FOXO3: variants seen among roughly 807,000 people sequenced by gnomAD.
FOXO3 encodes the protein forkhead box protein O3.
FOXO3 carries 4 observed loss-of-function variants against 41.9 expected under a neutral mutation model. The observed-to-expected ratio is 0.10, with a 90% CI of 0.05 to 0.22. The LOEUF (loss-of-function observed/expected upper bound fraction) is 0.22. Among genes scored for constraint, FOXO3 ranks in the 10% least tolerant of loss-of-function variants. The pLI, the probability that FOXO3 is intolerant of heterozygous loss-of-function variation, is 1.00. For missense variants in FOXO3, 534 were observed against 906.8 expected, an observed-to-expected ratio of 0.59 and a Z score of 5.28; for synonymous variants, 318 against 389.3, an observed-to-expected ratio of 0.82 and a Z score of 2.16.
chr6:108,649,316 C>T (rs1203490007), intron 1 of FOXO3, among the ~76,000 whole-genome samples: 1 of 152,100 alleles, frequency 6.6e-6, no homozygotes, highest in Non-Finnish European at 1.5e-5. Context: ...GACACTATGA[C>T]TACCTTTCAA....
chr6:108,672,145 G>A (rs925913954), intron 2 of FOXO3, among the ~76,000 whole-genome samples: 2 of 152,170 alleles, frequency 1.3e-5, no homozygotes, highest in African/African-American at 2.4e-5. Context: ...TCCCAATGCC[G>A]GTCATCCCAA....
intron 1 of FOXO3, among the ~76,000 whole-genome samples, chr6:108,615,261 A>G (rs1324968011): frequency 6.6e-6 from 1 of 152,022 alleles, no homozygotes; most frequent in African/African-American, 2.4e-5. Flanking sequence ...TGATGAAACT[A>G]CTTTTTAAAA....
At chr6:108,649,105 T>C (rs1304478456) in intron 1 of FOXO3, among the ~76,000 whole-genome samples, 1 of 151,794 alleles carries the variant, frequency 6.6e-6, no homozygotes, top group Non-Finnish European at 1.5e-5. Flanking sequence ...GGATCTGTTA[T>C]TCTCTCATGG....
At chr6:108,562,701 G>A (rs113486951) in intron 1 of FOXO3, among the ~76,000 whole-genome samples, 5,454 of 152,298 alleles carry the variant, frequency 0.036, 136 homozygotes, top group Middle Eastern at 0.095. Context: ...ACCTGTAAAT[G>A]AACCCGAAGA....
chr6:108,620,021 G>A (rs1021669652), intron 1 of FOXO3, among the ~76,000 whole-genome samples: 2 of 152,168 alleles, frequency 1.3e-5, no homozygotes, highest in African/African-American at 4.8e-5. Context: ...AGCTTGATTT[G>A]CTGTAGTCAT....
chr6:108,574,816 T>C lies in FOXO3; in HGVS notation c.621+12987T>C, dbSNP rs2128358233. ...AGTTAACAGAATAGAATGCTAATTA[T>C]CCCATTTTGTTCTGTGTATGTTGGA... On this transcript the variant is annotated intron_variant, in intron 1 of 2. Coordinates refer to ENST00000406360, the MANE Select transcript of FOXO3 (RefSeq NM_001455.4). Among the ~76,000 whole-genome samples, 2 of 152,368 alleles carry C rather than the reference T, an allele frequency of 1.3e-5. 1 individual carries two copies. The highest frequency in any genetic ancestry group is 6.8e-3 in the Middle Eastern group (2 of 294).
At chr6:108,580,562 T>A (rs1408422660) in intron 1 of FOXO3, among the ~76,000 whole-genome samples, 2 of 152,184 alleles carry the variant, frequency 1.3e-5, no homozygotes, top group Non-Finnish European at 2.9e-5. Context: ...ACATAGTTGG[T>A]AAGTGATAGA....
intron 1 of FOXO3, among the ~76,000 whole-genome samples, chr6:108,615,593 G>A (rs1449543896): frequency 3.3e-5 from 5 of 150,036 alleles, no homozygotes; most frequent in East Asian, 3.9e-4. Flanking sequence ...AGTTTTTCTT[G>A]GATCTGAGTG....
At chr6:108,605,885 A>G (rs1163677007) in intron 1 of FOXO3, among the ~76,000 whole-genome samples, 1 of 152,250 alleles carries the variant, frequency 6.6e-6, no homozygotes, top group Non-Finnish European at 1.5e-5. Context: ...ACAAGATCCA[A>G]TTATTTTGTT....
At chr6:108,575,975 G>A (rs1165323390) in intron 1 of FOXO3, among the ~76,000 whole-genome samples, 1 of 152,190 alleles carries the variant, frequency 6.6e-6, no homozygotes, top group Non-Finnish European at 1.5e-5. Flanking sequence ...TTACGAAAAT[G>A]TCATAGGCCT....
intron 1 of FOXO3, among the ~76,000 whole-genome samples, chr6:108,572,063 C>T (rs1189376825): frequency 6.6e-6 from 1 of 152,186 alleles, no homozygotes; most frequent in Non-Finnish European, 1.5e-5. Flanking sequence ...AAGGTGTGTC[C>T]TTCCCCCTAG....
At chr6:108,604,721 T>C (rs1001497665) in intron 1 of FOXO3, among the ~76,000 whole-genome samples, 7 of 152,156 alleles carry the variant, frequency 4.6e-5, no homozygotes, top group Non-Finnish European at 8.8e-5. Context: ...GTTTTTTTTT[T>C]CCTTGTTGCT....
chr6:108,674,391 T>A (rs1770492074), intron 2 of FOXO3, among the ~76,000 whole-genome samples: 1 of 152,220 alleles, frequency 6.6e-6, no homozygotes, highest in East Asian at 1.9e-4. Flanking sequence ...CTGTTGTTTC[T>A]TTCACTGGAA....
At chr6:108,576,226 A>T (rs1330237414) in intron 1 of FOXO3, among the ~76,000 whole-genome samples, 2 of 152,224 alleles carry the variant, frequency 1.3e-5, no homozygotes, top group African/African-American at 2.4e-5. Context: ...AGTCCTATTT[A>T]GTCTCCTCCC....
intron 1 of FOXO3, among the ~76,000 whole-genome samples, chr6:108,614,187 G>A (rs1413327428): frequency 6.6e-6 from 1 of 151,922 alleles, no homozygotes; most frequent in Admixed American, 6.6e-5. Flanking sequence ...TGCTGTTTTG[G>A]GTGATTTGTT....
chr6:108,628,624 A>G (rs1777877013), intron 1 of FOXO3, among the ~76,000 whole-genome samples: 1 of 152,180 alleles, frequency 6.6e-6, no homozygotes, highest in South Asian at 2.1e-4. Context: ...TTCCAGGTCC[A>G]GTTGCTGAAT....
At chr6:108,581,282 A>C (rs1165741769) in intron 1 of FOXO3, among the ~76,000 whole-genome samples, 1 of 152,166 alleles carries the variant, frequency 6.6e-6, no homozygotes, top group Non-Finnish European at 1.5e-5. Context: ...GGAGGAGGCC[A>C]AACTGTGGAG....
At chr6:108,621,570 GAC>G (rs1282765428) in intron 1 of FOXO3, among the ~76,000 whole-genome samples, 34 of 151,932 alleles carry the variant, frequency 2.2e-4, no homozygotes, top group African/African-American at 8.0e-4. Flanking sequence ...TGTTTTTTGA[GAC>G]AGAGTCTTCC....
chr6:108,619,325 A>G (rs569803903), intron 1 of FOXO3, among the ~76,000 whole-genome samples: 1 of 152,342 alleles, frequency 6.6e-6, no homozygotes, highest in South Asian at 2.1e-4. Context: ...TGAATTTTCA[A>G]TATGTTAGTC....
Sources: gnomAD v4.1 joint callset for allele counts (sites outside exome capture counted in the v4.1 genomes callset) on GRCh38, gnomAD v4.1.1 for gene constraint, MANE v1.5 for transcripts, NCBI Gene and HGNC (gene_info 2026-07-23, HGNC 2026-07-21) for gene names.